Variants in WWOX observed in about 807,000 individuals in gnomAD.
WWOX encodes WW domain containing oxidoreductase.
WWOX carries 69 observed loss-of-function variants against 46.2 expected under a neutral mutation model. That is an observed-to-expected ratio of 1.49 (90% confidence interval 1.23 to 1.82). The LOEUF (loss-of-function observed/expected upper bound fraction) is 1.82. Ranked by LOEUF, WWOX falls within the 40% of genes most tolerant of loss-of-function variation. The probability of loss-of-function intolerance (pLI) is 0.00; values close to 1 mark genes in which losing one functional copy is unlikely to be tolerated. For synonymous variants in WWOX, 359 were observed against 202.6 expected (o/e 1.77, Z -6.56); for missense variants, 919 against 542.6 (o/e 1.69, Z -6.89).
At position 79,211,682 on chromosome 16, in the gene WWOX, C is replaced by A. The variant is rs377129275; in HGVS notation, c.1131C>A (p.Asn377Lys). 106 of 1,614,096 alleles carry A rather than the reference C, an allele frequency of 6.6e-5. No homozygotes were observed. Among genetic ancestry groups the A allele is most frequent in the Non-Finnish European group, 8.7e-5 (103 of 1,180,056 alleles). The change falls in exon 9 of 9, where the codon AAC (asparagine) becomes AAA (lysine). Residue 377 changes from asparagine (N) to lysine (K), a missense_variant. Physicochemically the swap from Asn to Lys is moderately conservative, Grantham distance 94. Transcript: ENST00000566780. ...ELEGLGGMYF[N>K]NCCRCMPSPE... is the part of the protein sequence containing the mutation. Reference sequence around the variant, plus strand: ...AGGGTCTGGGAGGGATGTACTTCAACAACTGCTGCCGCTGCATGCCCTCAC... The same window carrying A: ...AGGGTCTGGGAGGGATGTACTTCAAAAACTGCTGCCGCTGCATGCCCTCAC...
chr16:79,208,364 G>A (rs2051592356), intron 8 of WWOX, among the ~76,000 whole-genome samples: 1 of 139,718 alleles, frequency 7.2e-6, no homozygotes, highest in South Asian at 2.3e-4. Context: ...ACAGGCTTCT[G>A]ATAAATGATT....
At chr16:79,107,066 C>G (rs917114431) in intron 8 of WWOX, among the ~76,000 whole-genome samples, 3 of 152,108 alleles carry the variant, frequency 2.0e-5, no homozygotes, top group Non-Finnish European at 2.9e-5. Context: ...CCACCTTGGT[C>G]TCCCAAAGTG....
chr16:79,088,387 A>G (rs914352390), intron 8 of WWOX, among the ~76,000 whole-genome samples: 1 of 152,186 alleles, frequency 6.6e-6, no homozygotes, highest in African/African-American at 2.4e-5. Context: ...TGAGACTCTG[A>G]TCAGATAAAG....
chr16:78,135,614 T>A (rs891494251), intron 4 of WWOX, among the ~76,000 whole-genome samples: 3 of 152,140 alleles, frequency 2.0e-5, no homozygotes, highest in Non-Finnish European at 4.4e-5. Context: ...TAAATCAGGC[T>A]TTCTTTTCTT....
At chr16:78,158,588 T>C (rs2034681260) in intron 4 of WWOX, among the ~76,000 whole-genome samples, 2 of 152,104 alleles carry the variant, frequency 1.3e-5, no homozygotes, top group South Asian at 4.1e-4. Context: ...ACTTTTTTTG[T>C]AGTGTTTTTC....
chr16:78,861,153 CCT>C (rs1401776048), intron 8 of WWOX, among the ~76,000 whole-genome samples: 2 of 152,032 alleles, frequency 1.3e-5, no homozygotes, highest in Non-Finnish European at 2.9e-5. Context: ...GCCTTTCCTC[CCT>C]CTCTCTCTTT....
At chr16:78,666,586 C>G (rs1157188778) in intron 8 of WWOX, among the ~76,000 whole-genome samples, 2 of 152,190 alleles carry the variant, frequency 1.3e-5, no homozygotes, top group African/African-American at 2.4e-5. Context: ...AAAGCAGATT[C>G]CTTCAGTCGC....
intron 8 of WWOX, among the ~76,000 whole-genome samples, chr16:78,698,411 T>C (rs2048145053): frequency 6.6e-6 from 1 of 152,200 alleles, no homozygotes; most frequent in Non-Finnish European, 1.5e-5. Context: ...TAAAATTCAT[T>C]TCATTCGCAT....
At chr16:79,134,459 C>A (rs1178672067) in intron 8 of WWOX, among the ~76,000 whole-genome samples, 1 of 152,096 alleles carries the variant, frequency 6.6e-6, no homozygotes, top group Admixed American at 6.5e-5. Flanking sequence ...TTGGAGGGAG[C>A]TATGTGCAGA....
intron 8 of WWOX, among the ~76,000 whole-genome samples, chr16:78,879,391 C>A (rs1403687279): frequency 1.3e-5 from 2 of 152,230 alleles, no homozygotes; most frequent in Admixed American, 6.5e-5. Flanking sequence ...ATTTCAAATT[C>A]CCAATTAGTT....
chr16:78,482,620 C>A (rs2084522662), intron 8 of WWOX, among the ~76,000 whole-genome samples: 1 of 152,164 alleles, frequency 6.6e-6, no homozygotes, highest in Admixed American at 6.5e-5. Flanking sequence ...ATTTCCTGAC[C>A]ATTCTATGAA....
intron 8 of WWOX, among the ~76,000 whole-genome samples, chr16:78,518,283 G>T (rs1471321382): frequency 6.6e-6 from 1 of 152,112 alleles, no homozygotes; most frequent in Non-Finnish European, 1.5e-5. Context: ...CCAGGCTGAA[G>T]TGCAGTGGCG....
chr16:78,570,547 C>G (rs1253956989), intron 8 of WWOX, among the ~76,000 whole-genome samples: 1 of 151,984 alleles, frequency 6.6e-6, no homozygotes, highest in Non-Finnish European at 1.5e-5. Context: ...TGCCTGGACT[C>G]AAGTGATCCT....
chr16:78,943,940 C>T (rs2045900831), intron 8 of WWOX, among the ~76,000 whole-genome samples: 1 of 152,292 alleles, frequency 6.6e-6, no homozygotes, highest in South Asian at 2.1e-4. Flanking sequence ...CCTCCATTGC[C>T]TGGTTTTCTG....
At chr16:78,850,009 T>C (rs1251995144) in intron 8 of WWOX, among the ~76,000 whole-genome samples, 2 of 151,458 alleles carry the variant, frequency 1.3e-5, no homozygotes, top group Admixed American at 6.6e-5. Flanking sequence ...GAGATGGAGG[T>C]TGTGGTGAGC....
intron 8 of WWOX, among the ~76,000 whole-genome samples, chr16:79,176,088 C>G (rs1284164169): frequency 2.6e-5 from 4 of 152,156 alleles, no homozygotes; most frequent in African/African-American, 4.8e-5. Context: ...GAAGTGACCC[C>G]TATATGGATT....
At chr16:78,907,873 C>T (rs992161906) in intron 8 of WWOX, among the ~76,000 whole-genome samples, 2 of 152,060 alleles carry the variant, frequency 1.3e-5, no homozygotes, top group African/African-American at 4.8e-5. Context: ...TTCCAAAGCC[C>T]GTGGCATGTC....
chr16:79,087,242 C>T (rs1032291909), intron 8 of WWOX, among the ~76,000 whole-genome samples: 1 of 152,250 alleles, frequency 6.6e-6, no homozygotes, highest in Non-Finnish European at 1.5e-5. Flanking sequence ...ATCAGTGCCT[C>T]TCTTCCCCAG....
intron 8 of WWOX, among the ~76,000 whole-genome samples, chr16:78,859,866 C>G (rs1056184446): frequency 1.3e-5 from 2 of 151,916 alleles, no homozygotes; most frequent in African/African-American, 4.8e-5. Flanking sequence ...TTATTTGCAT[C>G]TCCTATTTTC....
Sources: allele counts gnomAD v4.1 joint callset (sites outside exome capture counted in the v4.1 genomes callset), GRCh38; gene constraint gnomAD v4.1.1; transcripts MANE v1.5; gene names NCBI Gene and HGNC (gene_info 2026-07-23, HGNC 2026-07-21).